TLE2: variants seen among roughly 807,000 people sequenced by gnomAD.
The protein encoded by TLE2 is TLE family member 2, transcriptional corepressor.
TLE2 carries 74 observed loss-of-function variants against 97.2 expected under a neutral mutation model. The observed-to-expected ratio is 0.76, with a 90% confidence interval of 0.63 to 0.92. TLE2 has a LOEUF of 0.92. TLE2 is among the 40% of genes least tolerant of loss of function. The probability of loss-of-function intolerance (pLI) is 0.00; values close to 1 mark genes in which losing one functional copy is unlikely to be tolerated. For synonymous variants in TLE2, 499 were observed against 432.1 expected (o/e 1.15, Z -1.92); for missense variants, 1,038 against 1,008.7 (o/e 1.03, Z -0.39).
At chr19:2,998,841 T>G (rs1358057527) in intron 19 of TLE2, among the ~76,000 whole-genome samples, 1 of 152,158 alleles carries the variant, frequency 6.6e-6, no homozygotes, top group Non-Finnish European at 1.5e-5. Flanking sequence ...AGAGTGGGTG[T>G]GCACCAGGCA....
intron 19 of TLE2, among the ~76,000 whole-genome samples, chr19:2,998,544 T>C (rs2089278209): frequency 6.6e-6 from 1 of 151,942 alleles, no homozygotes; most frequent in Non-Finnish European, 1.5e-5. Flanking sequence ...TCCCAAAGTG[T>C]TGAGATTACA....
intron 10 of TLE2, 80 bp downstream of exon 10, chr19:3,014,490 C>T: frequency 7.5e-7 from 1 of 1,341,080 alleles, no homozygotes; most frequent in African/African-American, 1.5e-5. Context: ...TCCCCACTAC[C>T]TCTGGGTCCT....
At chr19:3,004,699 T>C (rs2089437389) in intron 17 of TLE2, among the ~76,000 whole-genome samples, 1 of 146,896 alleles carries the variant, frequency 6.8e-6, no homozygotes, top group African/African-American at 2.5e-5. Context: ...ATGAGATGGG[T>C]CTTGAGGGAT....
At chr19:3,006,901 A>G (rs1416264196) in intron 14 of TLE2, among the ~76,000 whole-genome samples, 8 of 150,034 alleles carry the variant, frequency 5.3e-5, no homozygotes, top group African/African-American at 2.0e-4. Context: ...TCTTGCCTCA[A>G]CCTCCCGAGT....
intron 5 of TLE2, among the ~76,000 whole-genome samples, chr19:3,022,759 T>C (rs1568246736): frequency 6.6e-6 from 1 of 151,772 alleles, no homozygotes; most frequent in East Asian, 1.9e-4. Flanking sequence ...AGAGCTCCCA[T>C]GGGGGTGCAC....
intron 18 of TLE2, among the ~76,000 whole-genome samples, chr19:3,001,272 CA>C (rs34991673): frequency 0.77 from 110,284 of 142,748 alleles, 42,452 homozygotes; most frequent in East Asian, 0.95. Flanking sequence ...GACTCTGTCT[CA>C]AAAAAAAAAA....
chr19:3,041,017 T>TATAA (rs61484810), intron 1 of TLE2, among the ~76,000 whole-genome samples: 1 of 30,070 alleles, frequency 3.3e-5, no homozygotes, highest in African/African-American at 1.5e-4. Context: ...ATATATATTT[T>TATAA]TTTTTTTTTT....
At chr19:3,036,613 G>A (rs1300662977) in intron 1 of TLE2, among the ~76,000 whole-genome samples, 1 of 152,216 alleles carries the variant, frequency 6.6e-6, no homozygotes, top group Non-Finnish European at 1.5e-5. Context: ...TTGGCGGTGT[G>A]CCCCCCGGAA....
intron 8 of TLE2, chr19:3,016,006 G>A (rs1341512523): frequency 8.4e-6 from 5 of 594,410 alleles, no homozygotes; most frequent in South Asian, 3.0e-5. Context: ...GAGCCATCTC[G>A]GCCCACTGAG....
chr19:3,029,559 G>GGGGT, upstream of TLE2: 291 of 489,390 alleles, frequency 5.9e-4, 5 homozygotes, highest in Non-Finnish European at 6.7e-4. Flanking sequence ...CCGTGGGAGC[G>GGGGT]GGGGGGGGGG....
At chr19:3,025,531 C>T (rs1342167547) in intron 4 of TLE2, 1 of 994,262 alleles carries the variant, frequency 1.0e-6, no homozygotes, top group African/African-American at 1.7e-5. Flanking sequence ...TCTTGGTCTC[C>T]TCCGCTTCCC....
intron 1 of TLE2, among the ~76,000 whole-genome samples, chr19:3,038,706 G>A (rs528531657): frequency 2.1e-4 from 32 of 152,244 alleles, no homozygotes; most frequent in Non-Finnish European, 2.9e-4. Context: ...CCAGAGGTTC[G>A]AGACCAGCCT....
intron 5 of TLE2, among the ~76,000 whole-genome samples, chr19:3,023,552 A>G (rs2163868): frequency 0.27 from 41,602 of 152,028 alleles, 6,883 homozygotes; most frequent in African/African-American, 0.45. Flanking sequence ...ACTCTGAAGT[A>G]GAACTATCTT....
At chr19:3,001,784 TTTCTTTC>T (rs1037411966) in intron 18 of TLE2, among the ~76,000 whole-genome samples, 2 of 137,978 alleles carry the variant, frequency 1.4e-5, no homozygotes, top group Non-Finnish European at 3.0e-5. Flanking sequence ...TTAAATTTCT[TTTCTTTC>T]TTTTTTTTTT....
At chr19:3,038,399 G>C (rs2090076626) in intron 1 of TLE2, among the ~76,000 whole-genome samples, 1 of 152,106 alleles carries the variant, frequency 6.6e-6, no homozygotes, top group South Asian at 2.1e-4. Flanking sequence ...TTTTTGTAGA[G>C]ACAGGGTCTC....
Position 3,012,565 on chromosome 19 carries a change from T to C in TLE2, c.873+1104A>G, listed in dbSNP as rs376943586. ...AGGAATTAGAAACTCCGGGATGGGC[T>C]CGTGGAGAGGCAGACCCCACAGCGG... On this transcript the variant is annotated intron_variant, in intron 11 of 19. Transcript: ENST00000262953. Among the ~76,000 whole-genome samples the C allele has an allele frequency of 5.9e-5, 9 of 152,248 alleles. No individual in the cohort carries two copies. The East Asian group carries it at 1.7e-3, about 29-fold the overall frequency.
At chr19:3,002,778 A>G (rs532563905) in intron 17 of TLE2, among the ~76,000 whole-genome samples, 4 of 151,970 alleles carry the variant, frequency 2.6e-5, no homozygotes, top group East Asian at 1.9e-4. Flanking sequence ...AGCTCACTGC[A>G]GCCTCTGCCT....
Position 3,013,671 on chromosome 19 carries a change from G to C in TLE2, c.871C>G (p.Leu291Val). ...CAAGGCCCTCCCCTCCTCCTTACCA[G>C]GATGAGCTCCTTGGCTCTAGGCAGC... is the stretch of plus-strand genomic sequence containing the variant. ...SPLPRAKELI[L>V]NDLPASTPAS... is the part of the protein sequence containing the mutation. The change falls in exon 11 of 20, where the codon CTG becomes GTG. Residue 291 changes from leucine to valine, a missense_variant and splice_region_variant. By Grantham distance (32) the Leu-to-Val change is conservative. Transcript: ENST00000262953. 4 of 1,387,204 alleles carry C rather than the reference G, an allele frequency of 2.9e-6. No individual in the cohort carries two copies. Among genetic ancestry groups the C allele is most frequent in the Non-Finnish European group, 3.8e-6 (4 of 1,061,688 alleles). 85.9% of individuals were successfully genotyped at this position (1,387,204 alleles called of 1,614,324 possible). A position where few individuals can be genotyped will look rare whatever the true frequency, so the allele number is the denominator to read the frequency against.
At chr19:3,021,266 A>G (rs977676753) in intron 5 of TLE2, among the ~76,000 whole-genome samples, 1 of 150,338 alleles carries the variant, frequency 6.7e-6, no homozygotes, top group Admixed American at 6.6e-5. Context: ...TTAGTCAGGC[A>G]TGGTGGCATG....
Sources: allele counts gnomAD v4.1 joint callset (sites outside exome capture counted in the v4.1 genomes callset), GRCh38; gene constraint gnomAD v4.1.1; transcripts MANE v1.5; gene names NCBI Gene and HGNC (gene_info 2026-07-23, HGNC 2026-07-21).